NAIP: variants seen among roughly 807,000 people sequenced by gnomAD.
NAIP encodes NLR family apoptosis inhibitory protein.
In NAIP, 15 loss-of-function variants were observed where a neutral mutation model predicts 23.0. The observed-to-expected ratio is 0.65, with a 90% CI of 0.44 to 1.00. The LOEUF is 1.00. Ranked by LOEUF, NAIP falls within the 50% of genes least tolerant of loss-of-function variation. The pLI is 0.00. For missense variants in NAIP, 265 were observed against 278.8 expected (o/e 0.95, Z 0.35); for synonymous variants, 100 against 100.2 (o/e 1.00, Z 0.01).
chr5:71,008,062 C>A (rs1173412133), intron 5 of NAIP, among the ~76,000 whole-genome samples: 2 of 118,596 alleles, frequency 1.7e-5, no homozygotes, highest in African/African-American at 3.6e-5. Flanking sequence ...CTGTGCCCAG[C>A]CTTTTTTTTT....
rs754098115 is a variant in NAIP at position 71,012,701 on chromosome 5, G to A, written c.215C>T (p.Pro72Leu). The change falls in exon 4 of 17, where the codon CCG becomes CTG. Residue 72 changes from proline to leucine, a missense_variant. Physicochemically the swap from Pro to Leu is moderately conservative, Grantham distance 98. This residue lies in a region of NAIP where 261 missense variants were observed against 259.2 expected (regional missense o/e 1.01). Coordinates refer to ENST00000517649, the MANE Select transcript of NAIP (RefSeq NM_004536.3). ...CTCCTGTGGTATCCATGAGCTGTAC[G>A]GCTCATAAGTCACAAAAGTCTTTAA... Reference protein sequence around the residue: ...KRLKTFVTYEPYSSWIPQEMA... With the variant: ...KRLKTFVTYELYSSWIPQEMA... The A allele has an allele frequency of 2.5e-5, 40 of 1,611,522 alleles. 2 individuals carry two copies. In the South Asian group the frequency reaches 2.6e-4, roughly 11 times the overall value.
At chr5:71,000,567 T>A (rs1323396320) in intron 8 of NAIP, among the ~76,000 whole-genome samples, 2 of 127,976 alleles carry the variant, frequency 1.6e-5, no homozygotes, top group South Asian at 4.9e-4. Flanking sequence ...TATTATTATT[T>A]TTGAGACAGA....
intron 4 of NAIP, 97 bp downstream of exon 4, chr5:71,012,251 G>A (rs902649167): frequency 4.1e-5 from 44 of 1,076,446 alleles, no homozygotes; most frequent in Non-Finnish European, 5.7e-5. Flanking sequence ...CATTTAACCA[G>A]TGAAGAAAGT....
intron 13 of NAIP, among the ~76,000 whole-genome samples, chr5:70,977,260 T>C (rs1232559328): frequency 6.8e-6 from 1 of 146,406 alleles, no homozygotes; most frequent in East Asian, 1.9e-4. Flanking sequence ...TTATTGACCC[T>C]CTCTGGGTAA....
intron 4 of NAIP, 62 bp downstream of exon 4, chr5:71,012,286 T>C: frequency 1.4e-6 from 2 of 1,446,250 alleles, no homozygotes. Context: ...CAAAAGCAAT[T>C]GAAAAATAAA....
intron 3 of NAIP, among the ~76,000 whole-genome samples, chr5:71,015,124 C>G (rs1246909307): frequency 6.6e-6 from 1 of 151,580 alleles, no homozygotes; most frequent in Non-Finnish European, 1.5e-5. Flanking sequence ...CACCTGTAAT[C>G]CCAGCATTTT....
chr5:71,011,924 A>G (rs1751178177), intron 4 of NAIP: 1 of 256,442 alleles, frequency 3.9e-6, no homozygotes. Flanking sequence ...CATAACCCCT[A>G]TGGCGGGGCT....
At chr5:71,011,825 A>G in intron 4 of NAIP, 1 of 420,214 alleles carries the variant, frequency 2.4e-6, no homozygotes, top group Non-Finnish European at 4.7e-6. Context: ...TCATTGGATA[A>G]GAATTAGTAC....
chr5:70,996,792 C>CA (rs1222506915), intron 9 of NAIP, among the ~76,000 whole-genome samples: 12,060 of 63,666 alleles, frequency 0.19, 280 homozygotes, highest in African/African-American at 0.36. Context: ...GACTCCATCT[C>CA]AAAAAAAAAA....
At chr5:71,017,758 T>C (rs112018675) in intron 3 of NAIP, among the ~76,000 whole-genome samples, 27,246 of 44,784 alleles carry the variant, frequency 0.61, 10,771 homozygotes, top group African/African-American at 0.9. Flanking sequence ...CCAGGCTGGT[T>C]TCGAACTCCT....
chr5:71,008,526 T>C (rs1417702795), intron 5 of NAIP, among the ~76,000 whole-genome samples: 1 of 70,408 alleles, frequency 1.4e-5, no homozygotes, highest in Middle Eastern at 4.5e-3. Context: ...AATCTGAGGC[T>C]GGGCACGGTG....
chr5:71,013,187 C>G (rs1002892435), intron 3 of NAIP, among the ~76,000 whole-genome samples: 17 of 151,560 alleles, frequency 1.1e-4, no homozygotes, highest in Middle Eastern at 3.4e-3. Context: ...ATTCATGAAG[C>G]TTTCCAGATA....
chr5:71,008,062 C>G (rs1173412133), intron 5 of NAIP, among the ~76,000 whole-genome samples: 1 of 118,600 alleles, frequency 8.4e-6, no homozygotes, highest in Non-Finnish European at 1.7e-5. Flanking sequence ...CTGTGCCCAG[C>G]CTTTTTTTTT....
In NAIP at chr5:71,012,740, C is replaced by A. The variant is rs1393952042; in HGVS notation, c.176G>T (p.Ser59Ile). The change falls in exon 4 of 17, where the codon AGT (serine) becomes ATT (isoleucine). Residue 59 changes from serine to isoleucine, a missense_variant. Physicochemically the swap from Ser to Ile is moderately radical, Grantham distance 142. Transcript: ENST00000517649. ...AAAAGTCTTTAACCTTTTTGCTTCACTGCGCATTTGAGAGTTGTAGCCTTT... is the reference window on the plus strand; with the variant it reads ...AAAAGTCTTTAACCTTTTTGCTTCAATGCGCATTTGAGAGTTGTAGCCTTT... The part of the protein sequence containing the change: ...MQKGYNSQMR[S>I]EAKRLKTFVT... The A allele has an allele frequency of 6.2e-7, 1 of 1,611,758 alleles. No homozygotes were observed. Among genetic ancestry groups the A allele is most frequent in the Non-Finnish European group, 8.5e-7 (1 of 1,178,482 alleles).
intron 3 of NAIP, among the ~76,000 whole-genome samples, chr5:71,015,991 A>T (rs2112939715): frequency 7.3e-6 from 1 of 137,104 alleles, no homozygotes; most frequent in South Asian, 2.5e-4. Context: ...CCCATTTAAA[A>T]TGAACAACTG....
chr5:70,979,678 G>A (rs1433213713), intron 13 of NAIP, among the ~76,000 whole-genome samples, 191 bp downstream of exon 13: 2 of 120,086 alleles, frequency 1.7e-5, no homozygotes, highest in East Asian at 4.3e-4. Flanking sequence ...ACTTCCTAGT[G>A]TGTAGTAAAG....
rs144684936 is a variant in NAIP at position 71,012,700 on chromosome 5, C to A, written c.216G>T (p.Pro72=). The change falls in exon 4 of 17, where the codon CCG becomes CCT. Residue 72 remains proline, a synonymous_variant. Coordinates refer to ENST00000517649, the MANE Select transcript of NAIP (RefSeq NM_004536.3). ...KRLKTFVTYE[P]YSSWIPQEMA... is the part of the protein sequence containing the mutation. ...TCTCCTGTGGTATCCATGAGCTGTACGGCTCATAAGTCACAAAAGTCTTTA... is the reference window on the plus strand; with the variant it reads ...TCTCCTGTGGTATCCATGAGCTGTAAGGCTCATAAGTCACAAAAGTCTTTA... 4 of 1,611,642 alleles carry A rather than the reference C, an allele frequency of 2.5e-6. No homozygotes were observed. Among genetic ancestry groups the A allele is most frequent in the Admixed American group, 1.7e-5 (1 of 59,876 alleles).
intron 5 of NAIP, among the ~76,000 whole-genome samples, chr5:71,008,896 G>A (rs1751012235): frequency 7.4e-6 from 1 of 134,408 alleles, no homozygotes; most frequent in Non-Finnish European, 1.5e-5. Context: ...AAATGCAGAA[G>A]GTAGAGGAAC....
At chr5:71,002,401 CTTT>C (rs1157939944) in intron 6 of NAIP, among the ~76,000 whole-genome samples, 1 of 5,588 alleles carries the variant, frequency 1.8e-4, no homozygotes, top group African/African-American at 7.8e-4. Context: ...TGTTGGAGGT[CTTT>C]TTTTTTTTTT....
Sources: gnomAD v4.1 joint callset for allele counts (sites outside exome capture counted in the v4.1 genomes callset) on GRCh38, gnomAD v4.1.1 for gene constraint, gnomAD v4.1.1 regional missense constraint, MANE v1.5 for transcripts, NCBI Gene and HGNC (gene_info 2026-07-23, HGNC 2026-07-21) for gene names.